HPCAL1: variants seen among roughly 807,000 people sequenced by gnomAD.
HPCAL1 encodes hippocalcin like 1.
Under a neutral mutation model 17.1 loss-of-function variants are expected in HPCAL1, and 8 were observed. The ratio of observed to expected loss-of-function variants is 0.47; its 90% CI spans 0.27 to 0.84. The LOEUF is 0.84. Among genes scored for constraint, HPCAL1 ranks in the 40% least tolerant of loss-of-function variants. The pLI is 0.13. For missense variants in HPCAL1, 165 were observed against 271.1 expected (o/e 0.61, Z 2.75); for synonymous variants, 112 against 111.4 (o/e 1.01, Z -0.03).
At position 10,362,348 on chromosome 2, in the gene HPCAL1, C is replaced by T. The variant is rs545127285; in HGVS notation, c.-110-34487C>T. Among the ~76,000 whole-genome samples the T allele has an allele frequency of 6.6e-6, 1 of 152,210 alleles. No homozygotes were observed. The highest frequency in any genetic ancestry group is 2.1e-4 in the South Asian group (1 of 4,814). ...GGCAGGAGCATGGGGGACAACAGTC[C>T]AGGGAGGGCCACATGACAGCAAGCA... is the stretch of plus-strand genomic sequence containing the variant. On this transcript the variant is annotated intron_variant, in intron 1 of 4. Coordinates refer to ENST00000307845, the MANE Select transcript of HPCAL1 (RefSeq NM_002149.4). The surrounding 1 kb of genome is among the most constrained non-coding windows in gnomAD (Gnocchi z 5.0).
intron 1 of HPCAL1, among the ~76,000 whole-genome samples, chr2:10,311,588 G>T (rs746152115): frequency 6.6e-6 from 1 of 152,102 alleles, no homozygotes; most frequent in Non-Finnish European, 1.5e-5. Flanking sequence ...ATGCATTTGA[G>T]AATTATTTTC....
Position 10,304,250 on chromosome 2 carries a change from G to A in HPCAL1, c.-111+1073G>A, listed in dbSNP as rs1662468660. The stretch of plus-strand genomic sequence containing the variant: ...TCCTGGCCGGGAGGCAGCGACTGCG[G>A]AGTTGAGAACCCTTTGGTTCAACAA... On this transcript the variant is annotated intron_variant, in intron 1 of 4. Coordinates refer to ENST00000307845, the MANE Select transcript of HPCAL1 (RefSeq NM_002149.4). The surrounding 1 kb of genome is among the most constrained non-coding windows in gnomAD (Gnocchi z 4.1). Among the ~76,000 whole-genome samples, 1 of 152,134 alleles carries A rather than the reference G, an allele frequency of 6.6e-6. No homozygotes were observed. Among genetic ancestry groups the A allele is most frequent in the Non-Finnish European group, 1.5e-5 (1 of 68,014 alleles).
rs376682468 is a variant in HPCAL1, at chr2:10,426,822, G to A, written c.*1G>A. 1.5e-5 allele frequency: 24 copies of A among 1,612,316 alleles called. No homozygotes were observed. The highest frequency in any genetic ancestry group is 1.8e-5 in the Non-Finnish European group (21 of 1,179,276). On this transcript the variant is annotated 3_prime_UTR_variant, in exon 5 of 5. Coordinates refer to ENST00000307845, the MANE Select transcript of HPCAL1 (RefSeq NM_002149.4). ...CCCCAGCAGTGCCAGTCAGTTCTGA[G>A]CGAGCGGCCCCTGGACAGTTGCAGA...
intron 1 of HPCAL1, among the ~76,000 whole-genome samples, chr2:10,319,962 C>T (rs958043595): frequency 2.6e-5 from 4 of 152,038 alleles, no homozygotes; most frequent in African/African-American, 4.8e-5. Flanking sequence ...TTCTTCTTGG[C>T]GCAGTCATTT....
intron 2 of HPCAL1, among the ~76,000 whole-genome samples, chr2:10,407,756 C>T (rs565037494): frequency 5.1e-4 from 78 of 152,318 alleles, no homozygotes; most frequent in African/African-American, 1.7e-3. Context: ...GAGGGAACTG[C>T]AGGTGCGAAG....
At chr2:10,361,865 C>T (rs967605140) in intron 1 of HPCAL1, among the ~76,000 whole-genome samples, 13 of 152,008 alleles carry the variant, frequency 8.6e-5, no homozygotes, top group East Asian at 3.9e-4. Flanking sequence ...TATAGGCGCC[C>T]GCCACCATGC....
chr2:10,368,462 C>T (rs934390806), intron 1 of HPCAL1, among the ~76,000 whole-genome samples: 1 of 152,204 alleles, frequency 6.6e-6, no homozygotes, highest in African/African-American at 2.4e-5. Flanking sequence ...TCTCTGTTCC[C>T]CCAGCTCCCA....
chr2:10,360,156 G>A (rs537459166), intron 1 of HPCAL1, among the ~76,000 whole-genome samples: 11 of 152,238 alleles, frequency 7.2e-5, no homozygotes, highest in Middle Eastern at 3.4e-3. Context: ...ACTCTGCTGC[G>A]GTCTCCAGGA....
intron 1 of HPCAL1, among the ~76,000 whole-genome samples, chr2:10,351,649 C>G (rs1006044822): frequency 6.6e-6 from 1 of 151,948 alleles, no homozygotes; most frequent in South Asian, 2.1e-4. Context: ...GTCCCAGCTA[C>G]TTGGGAGGCT....
intron 1 of HPCAL1, among the ~76,000 whole-genome samples, chr2:10,389,141 G>T (rs1668525385): frequency 6.6e-6 from 1 of 152,144 alleles, no homozygotes; most frequent in Non-Finnish European, 1.5e-5. Context: ...CCACTGCCAT[G>T]GTAATACCCG....
intron 1 of HPCAL1, among the ~76,000 whole-genome samples, chr2:10,350,369 G>A (rs1020441618): frequency 2.7e-5 from 4 of 150,568 alleles, no homozygotes; most frequent in African/African-American, 9.8e-5. Flanking sequence ...GCCCAGGCTG[G>A]AGTGCAGTGG....
Position 10,354,607 on chromosome 2 carries a change from G to A in HPCAL1, c.-110-42228G>A, listed in dbSNP as rs1268879625. ...GCCGAGGTGTCGGGACTCAAATTCC[G>A]GGCCCTTGGCTGTGCTTCTCACATT... On this transcript the variant is annotated intron_variant, in intron 1 of 4. Coordinates refer to ENST00000307845, the MANE Select transcript of HPCAL1 (RefSeq NM_002149.4). The surrounding 1 kb of genome is among the most constrained non-coding windows in gnomAD (Gnocchi z 5.1). 1.3e-5 allele frequency among the ~76,000 whole-genome samples: 2 copies of A among 152,190 alleles called. No homozygotes were observed. The highest frequency in any genetic ancestry group is 2.9e-5 in the Non-Finnish European group (2 of 68,038).
In HPCAL1 at chr2:10,408,986, A is replaced by G. The variant is rs541871385; in HGVS notation, c.-24-10748A>G. Among the ~76,000 whole-genome samples the G allele has an allele frequency of 5.3e-5, 8 of 152,370 alleles. No individual in the cohort carries two copies. In the East Asian group the frequency reaches 1.5e-3, roughly 29 times the overall value. ...TTGAAAAGTAAAAAAGATGAAATTT[A>G]AAACTTGTTTGATTTAAACCGTTAG... On this transcript the variant is annotated intron_variant, in intron 2 of 4. Coordinates refer to ENST00000307845, the MANE Select transcript of HPCAL1 (RefSeq NM_002149.4).
intron 1 of HPCAL1, among the ~76,000 whole-genome samples, chr2:10,386,193 C>A (rs185461167): frequency 5.3e-5 from 8 of 152,264 alleles, no homozygotes; most frequent in Middle Eastern, 3.4e-3. Flanking sequence ...TCCATCTTGC[C>A]TGGGCCACCA....
intron 2 of HPCAL1, among the ~76,000 whole-genome samples, chr2:10,409,245 G>T (rs919714368): frequency 6.6e-6 from 1 of 152,130 alleles, no homozygotes; most frequent in African/African-American, 2.4e-5. Context: ...AGACACGGAG[G>T]CACCTGAGAG....
At chr2:10,353,461 T>C (rs191036842) in intron 1 of HPCAL1, among the ~76,000 whole-genome samples, 16 of 152,344 alleles carry the variant, frequency 1.1e-4, no homozygotes, top group Admixed American at 1.0e-3. Flanking sequence ...GTGGGGATAC[T>C]GGTTCAGGGC....
intron 1 of HPCAL1, among the ~76,000 whole-genome samples, chr2:10,339,807 C>T (rs571376138): frequency 3.9e-5 from 6 of 152,316 alleles, no homozygotes; most frequent in South Asian, 2.1e-4. Context: ...CCCGGCAGGA[C>T]GTAGCAACAG....
intron 1 of HPCAL1, among the ~76,000 whole-genome samples, chr2:10,396,595 C>G (rs1438152616): frequency 6.6e-6 from 1 of 152,232 alleles, no homozygotes; most frequent in Non-Finnish European, 1.5e-5. Flanking sequence ...AGCATCTTAC[C>G]TTGGGGCTTC....
intron 1 of HPCAL1, among the ~76,000 whole-genome samples, chr2:10,336,500 A>C (rs567180332): frequency 1.3e-5 from 2 of 152,196 alleles, no homozygotes; most frequent in African/African-American, 2.4e-5. Flanking sequence ...CTTTTGCATT[A>C]GTAGGAACAT....
Sources: gnomAD v4.1 joint callset for allele counts (sites outside exome capture counted in the v4.1 genomes callset) on GRCh38, gnomAD v4.1.1 for gene constraint, Gnocchi (gnomAD v3.1) non-coding constraint, MANE v1.5 for transcripts, NCBI Gene and HGNC (gene_info 2026-07-23, HGNC 2026-07-21) for gene names.